GAK: variants seen among roughly 807,000 people sequenced by gnomAD.
GAK encodes the protein cyclin G associated kinase.
A neutral mutation model predicts 143.9 loss-of-function variants in GAK; 79 were observed. The ratio of observed to expected loss-of-function variants is 0.55; its 90% confidence interval spans 0.46 to 0.66. The LOEUF is 0.66. GAK is among the 30% of genes least tolerant of loss of function. The probability of loss-of-function intolerance (pLI) is 0.00; values close to 1 mark genes in which losing one functional copy is unlikely to be tolerated. For synonymous variants in GAK, 881 were observed against 765.5 expected (o/e 1.15, Z -2.49); for missense variants, 1,693 against 1,779.7 (o/e 0.95, Z 0.88).
chr4:865,083 A>C (rs764582885), intron 23 of GAK, 39 bp downstream of exon 23: 1 of 1,526,544 alleles, frequency 6.6e-7, no homozygotes, highest in South Asian at 1.1e-5. Context: ...CAGCAGCTGC[A>C]CGTCTGGGAG....
chr4:902,853 G>GA (rs1333427232), intron 5 of GAK, among the ~76,000 whole-genome samples: 1 of 152,156 alleles, frequency 6.6e-6, no homozygotes, highest in Non-Finnish European at 1.5e-5. Context: ...CAAGCCAGTG[G>GA]AAAATCTTTG....
chr4:914,533 G>GCC (rs774224228), intron 1 of GAK, among the ~76,000 whole-genome samples: 7 of 35,564 alleles, frequency 2.0e-4, no homozygotes, highest in Admixed American at 3.8e-4. Context: ...AGCGTGCACG[G>GCC]CCACACACAC....
intron 10 of GAK, among the ~76,000 whole-genome samples, chr4:889,812 T>G (rs961630401): frequency 6.6e-6 from 1 of 152,102 alleles, no homozygotes; most frequent in African/African-American, 2.4e-5. Flanking sequence ...TCTGGAACAC[T>G]CCCGGCACGG....
chr4:879,344 T>G (rs754635774), intron 15 of GAK, among the ~76,000 whole-genome samples: 1 of 152,246 alleles, frequency 6.6e-6, no homozygotes, highest in Non-Finnish European at 1.5e-5. Flanking sequence ...TGAACACTGA[T>G]GTGGCTGGAT....
At chr4:916,645 T>C (rs767016633) in intron 1 of GAK, among the ~76,000 whole-genome samples, 20 of 152,286 alleles carry the variant, frequency 1.3e-4, no homozygotes, top group Middle Eastern at 6.8e-3. Flanking sequence ...ACCGCGAAGA[T>C]AGGACCCCAT....
chr4:914,541 C>T (rs1577297561), intron 1 of GAK, among the ~76,000 whole-genome samples: 4 of 118,032 alleles, frequency 3.4e-5, no homozygotes, highest in Non-Finnish European at 5.3e-5. Context: ...CGGCCACACA[C>T]ACACAGCCCC....
intron 1 of GAK, among the ~76,000 whole-genome samples, chr4:914,441 GCCC>G (rs1481596008): frequency 1.4e-5 from 1 of 69,498 alleles, no homozygotes; most frequent in Non-Finnish European, 2.6e-5. Context: ...AGCGTGCACG[GCCC>G]CCACACACAC....
chr4:921,430 T>C (rs867071035), intron 1 of GAK, among the ~76,000 whole-genome samples: 30 of 152,242 alleles, frequency 2.0e-4, no homozygotes, highest in Admixed American at 1.5e-3. Context: ...CAGAAGCAAC[T>C]CCATGGAAGA....
chr4:853,036 A>G (rs1424787510), intron 24 of GAK: 1 of 151,060 alleles, frequency 6.6e-6, no homozygotes, highest in Admixed American at 6.6e-5. Context: ...AGATGGTCTC[A>G]CTATGGCTGG....
In GAK at chr4:851,738, T is replaced by C; in HGVS notation, c.3508+12A>G. 1 of 1,610,968 alleles carries C rather than the reference T, an allele frequency of 6.2e-7. No homozygotes were observed. On this transcript the variant is annotated intron_variant, in intron 25 of 27. Coordinates refer to ENST00000314167, the MANE Select transcript of GAK (RefSeq NM_005255.4). The stretch of plus-strand genomic sequence containing the variant: ...CTGCAAACTCCACAGCAACAGAGAG[T>C]GGGGGACTCACCAAAGCTGGGTGCG...
chr4:866,379 C>CGGCGCTGCAGGATGGGGGCGG lies in GAK; in HGVS notation c.3007_3027dup (p.Pro1003_Ala1009dup). ...AGGCACTTACCCAGGTGCAGGAAGT[C>CGGCGCTGCAGGATGGGGGCGG]GGCGCTGCAGGATGGGGGCGGAGCA... On this transcript the variant is annotated inframe_insertion, in exon 22 of 28. Coordinates refer to ENST00000314167, the MANE Select transcript of GAK (RefSeq NM_005255.4). The CGGCGCTGCAGGATGGGGGCGG allele has an allele frequency of 6.2e-7, 1 of 1,613,982 alleles. No homozygotes were observed. The highest frequency in any genetic ancestry group is 8.5e-7 in the Non-Finnish European group (1 of 1,179,952).
intron 1 of GAK, among the ~76,000 whole-genome samples, chr4:928,698 C>A (rs868701099): frequency 2.6e-5 from 4 of 152,200 alleles, no homozygotes; most frequent in Non-Finnish European, 4.4e-5. Context: ...CCACATGATT[C>A]TGCAACTGTC....
chr4:850,876 G>A (rs912896043), intron 26 of GAK, 60 bp downstream of exon 26: 142 of 1,554,230 alleles, frequency 9.1e-5, no homozygotes, highest in Non-Finnish European at 1.2e-4. Flanking sequence ...CACAGCAGAT[G>A]CTCCAGGGGC....
In GAK at chr4:851,859, A is replaced by C; in HGVS notation, c.3399T>G (p.Pro1133=). ...AGGCTTTGGGGGGCGGCTTGGCCTG[A>C]GGGGGCCATGAGGCGCCCTGGGCTG... The part of the protein sequence containing the change: ...RPPAQGASWP[P]QAKPPPKACT... The change falls in exon 25 of 28, where the codon CCT becomes CCG. Residue 1133 remains proline, a synonymous_variant. Transcript: ENST00000314167. 6.2e-7 allele frequency: 1 copy of C among 1,609,194 alleles called. No individual in the cohort carries two copies. The highest frequency in any genetic ancestry group is 8.5e-7 in the Non-Finnish European group (1 of 1,177,096).
intron 5 of GAK, among the ~76,000 whole-genome samples, chr4:899,407 C>G (rs903000121): frequency 6.6e-6 from 1 of 151,962 alleles, no homozygotes; most frequent in Non-Finnish European, 1.5e-5. Flanking sequence ...TCGGCACACA[C>G]GCGGTCAGTA....
At chr4:925,192 T>C (rs1212241931) in intron 1 of GAK, among the ~76,000 whole-genome samples, 1 of 152,178 alleles carries the variant, frequency 6.6e-6, no homozygotes, top group Non-Finnish European at 1.5e-5. Context: ...TGACACTTTT[T>C]AAACCCATCA....
intron 5 of GAK, among the ~76,000 whole-genome samples, chr4:903,718 G>A (rs969986324): frequency 4.0e-5 from 6 of 150,076 alleles, no homozygotes; most frequent in Admixed American, 2.6e-4. Flanking sequence ...TGGGGGGGCG[G>A]CCGAGGAAGG....
chr4:888,790 G>A, intron 11 of GAK, 57 bp downstream of exon 11: 1 of 1,559,372 alleles, frequency 6.4e-7, no homozygotes, highest in Non-Finnish European at 8.7e-7. Flanking sequence ...CAAGGGCCGG[G>A]GCTGCAGCCT....
intron 23 of GAK, among the ~76,000 whole-genome samples, chr4:860,398 A>G (rs1437470285): frequency 6.6e-6 from 1 of 152,010 alleles, no homozygotes. Context: ...CCATGCAGTC[A>G]TTAAAACCAG....
Sources: allele counts gnomAD v4.1 joint callset (sites outside exome capture counted in the v4.1 genomes callset), GRCh38; gene constraint gnomAD v4.1.1; transcripts MANE v1.5; gene names NCBI Gene and HGNC (gene_info 2026-07-23, HGNC 2026-07-21).